KLF12: variants seen among roughly 807,000 people sequenced by gnomAD.
The protein encoded by KLF12 is Krueppel-like factor 12.
In KLF12, 9 loss-of-function variants were observed where a neutral mutation model predicts 37.8. The ratio of observed to expected loss-of-function variants is 0.24; its 90% CI spans 0.14 to 0.42. The LOEUF is 0.42. Ranked by LOEUF, KLF12 falls within the 10% of genes least tolerant of loss-of-function variation. The pLI is 1.00. For synonymous variants in KLF12, 208 were observed against 202.1 expected (o/e 1.03, Z -0.25); for missense variants, 411 against 516.0 (o/e 0.80, Z 1.97).
intron 3 of KLF12, among the ~76,000 whole-genome samples, chr13:73,860,091 G>A (rs1309848608): frequency 6.6e-6 from 1 of 152,116 alleles, no homozygotes; most frequent in Admixed American, 6.5e-5. Context: ...CTGAGTTCCG[G>A]TCTGGGTTGC....
intron 2 of KLF12, among the ~76,000 whole-genome samples, chr13:73,959,492 G>A (rs1039765108): frequency 6.6e-6 from 1 of 150,732 alleles, no homozygotes; most frequent in African/African-American, 2.4e-5. Context: ...AAATATGTCT[G>A]CATTTTATAT....
intron 1 of KLF12, among the ~76,000 whole-genome samples, chr13:74,088,170 T>C (rs780757732): frequency 7.9e-5 from 12 of 152,164 alleles, no homozygotes; most frequent in Non-Finnish European, 1.5e-4. Flanking sequence ...TCTTACTATT[T>C]ATCAAACTTG....
chr13:74,113,117 C>T (rs1157174972), intron 1 of KLF12, among the ~76,000 whole-genome samples: 4 of 152,034 alleles, frequency 2.6e-5, no homozygotes, highest in African/African-American at 7.2e-5. Context: ...GAGAAAGTTG[C>T]GTTGGAAGCC....
intron 3 of KLF12, among the ~76,000 whole-genome samples, chr13:73,941,473 C>T (rs1420245913): frequency 6.6e-6 from 1 of 152,158 alleles, no homozygotes; most frequent in Non-Finnish European, 1.5e-5. Flanking sequence ...ATGTGTTTTT[C>T]TTACAAAGAA....
chr13:74,216,237 C>A, the KLF12 span, among the ~76,000 whole-genome samples: 3 of 152,106 alleles, frequency 2.0e-5, no homozygotes, highest in East Asian at 3.9e-4. Context: ...TTTAAAAAGT[C>A]TTTTTAAAGT....
In KLF12 at chr13:74,053,359, C is replaced by T. The variant is rs182947093; in HGVS notation, c.-31-58306G>A. ...TAAAAATCATGCTAACAAGAAATAC[C>T]ATATATTTTCTTTGTCTTTCCTTCC... On this transcript the variant is annotated intron_variant, in intron 1 of 7. Coordinates refer to ENST00000377669, the MANE Select transcript of KLF12 (RefSeq NM_007249.5). Among the ~76,000 whole-genome samples the T allele has an allele frequency of 3.9e-3, 591 of 150,862 alleles. 5 individuals are homozygous for T. Among genetic ancestry groups the T allele is most frequent in the African/African-American group, 0.013 (551 of 41,000 alleles).
At chr13:73,783,318 C>A (rs1159532762) in intron 5 of KLF12, among the ~76,000 whole-genome samples, 1 of 151,982 alleles carries the variant, frequency 6.6e-6, no homozygotes, top group Non-Finnish European at 1.5e-5. Flanking sequence ...TTACCAGAGG[C>A]TGGGAAGGGA....
At chr13:74,041,776 A>C (rs1893411727) in intron 1 of KLF12, among the ~76,000 whole-genome samples, 1 of 151,920 alleles carries the variant, frequency 6.6e-6, no homozygotes, top group African/African-American at 2.4e-5. Context: ...AGAATAGCAA[A>C]GTTTTCAGAG....
In KLF12 at chr13:73,717,698, T is replaced by G. The variant is rs188035955; in HGVS notation, c.870-2173A>C. ...GGCCAAGCCACTTTTTTCAGCTTTC[T>G]TATCAATGTGGATCTGTGGTTTTCC... On this transcript the variant is annotated intron_variant, in intron 6 of 7. Transcript: ENST00000377669. 1.7e-3 allele frequency among the ~76,000 whole-genome samples: 259 copies of G among 152,360 alleles called. 1 individual carries two copies. Among genetic ancestry groups the G allele is most frequent in the Middle Eastern group, 6.8e-3 (2 of 294 alleles).
chr13:73,781,476 T>C (rs1229757374), intron 5 of KLF12, among the ~76,000 whole-genome samples: 1 of 152,244 alleles, frequency 6.6e-6, no homozygotes, highest in Non-Finnish European at 1.5e-5. Context: ...GGCTATAAAA[T>C]AGATTTAACC....
chr13:74,178,943 C>G, the KLF12 span, among the ~76,000 whole-genome samples: 4 of 152,138 alleles, frequency 2.6e-5, no homozygotes, highest in Non-Finnish European at 5.9e-5. Flanking sequence ...TTTCTTTTTA[C>G]CTTTTAAAAA....
At chr13:74,235,830 G>C in the KLF12 span, among the ~76,000 whole-genome samples, 1 of 151,954 alleles carries the variant, frequency 6.6e-6, no homozygotes, top group African/African-American at 2.4e-5. Flanking sequence ...ATATATGACA[G>C]CATCTTAATG....
At chr13:74,110,761 GAGATAC>G (rs1261411580) in intron 1 of KLF12, among the ~76,000 whole-genome samples, 1 of 152,124 alleles carries the variant, frequency 6.6e-6, no homozygotes, top group Non-Finnish European at 1.5e-5. Flanking sequence ...ACTGAGGTGA[GAGATAC>G]AGCAAAGATA....
intron 2 of KLF12, among the ~76,000 whole-genome samples, chr13:73,972,584 A>T (rs1271620526): frequency 6.7e-6 from 1 of 148,630 alleles, no homozygotes; most frequent in Non-Finnish European, 1.5e-5. Context: ...CACAAATTTC[A>T]GTTTATTTTT....
At chr13:74,102,229 A>G (rs1018797816) in intron 1 of KLF12, among the ~76,000 whole-genome samples, 6 of 151,808 alleles carry the variant, frequency 4.0e-5, no homozygotes, top group African/African-American at 7.3e-5. Context: ...AAAAAAAGAA[A>G]AAAAAAAAAA....
At chr13:73,843,723 T>C (rs767394141) in intron 4 of KLF12, among the ~76,000 whole-genome samples, 2 of 152,316 alleles carry the variant, frequency 1.3e-5, no homozygotes, top group African/African-American at 2.4e-5. Context: ...CCCATTTACA[T>C]AGGTATAAGT....
chr13:74,218,842 T>C, the KLF12 span, among the ~76,000 whole-genome samples: 4 of 152,272 alleles, frequency 2.6e-5, no homozygotes, highest in Middle Eastern at 6.8e-3. Flanking sequence ...AAAATTATGA[T>C]GGTAAAAAAT....
At chr13:74,139,781 A>G in the KLF12 span, among the ~76,000 whole-genome samples, 1 of 152,172 alleles carries the variant, frequency 6.6e-6, no homozygotes, top group Non-Finnish European at 1.5e-5. Flanking sequence ...TTGAGGTTAT[A>G]AACATTAGAG....
chr13:73,922,336 G>A (rs1280806476), intron 3 of KLF12, among the ~76,000 whole-genome samples: 1 of 152,046 alleles, frequency 6.6e-6, no homozygotes, highest in East Asian at 1.9e-4. Flanking sequence ...GATCATTCCT[G>A]TATTTCAGGT....
Sources: gnomAD v4.1 joint callset for allele counts (sites outside exome capture counted in the v4.1 genomes callset) on GRCh38, gnomAD v4.1.1 for gene constraint, MANE v1.5 for transcripts, NCBI Gene and HGNC (gene_info 2026-07-23, HGNC 2026-07-21) for gene names.